Variants in TNRC6C observed in about 807,000 individuals in gnomAD.
TNRC6C encodes the protein trinucleotide repeat-containing gene 6C protein.
In TNRC6C, 20 loss-of-function variants were observed where a neutral mutation model predicts 153.7. The observed-to-expected ratio is 0.13, with a 90% confidence interval of 0.09 to 0.19. The LOEUF is 0.19. Ranked by LOEUF, TNRC6C falls within the 10% of genes least tolerant of loss-of-function variation. The pLI is 1.00. For synonymous variants in TNRC6C, 811 were observed against 841.4 expected (o/e 0.96, Z 0.63); for missense variants, 1,987 against 2,172.0 (o/e 0.91, Z 1.69).
At chr17:77,958,308 G>C (rs1048234014), upstream of TNRC6C, among the ~76,000 whole-genome samples, 3 of 152,056 alleles carry the variant, frequency 2.0e-5, no homozygotes, top group Admixed American at 1.3e-4. Context: ...GGACCGGAGG[G>C]CAGGCGGCGG....
At chr17:78,024,366 T>G (rs2071893580) in intron 1 of TNRC6C, among the ~76,000 whole-genome samples, 1 of 152,078 alleles carries the variant, frequency 6.6e-6, no homozygotes, top group African/African-American at 2.4e-5. Context: ...GTTTTTTTGT[T>G]TGTTTGTTTG....
At chr17:78,070,444 G>A (rs529368009) in intron 5 of TNRC6C, among the ~76,000 whole-genome samples, 1 of 152,190 alleles carries the variant, frequency 6.6e-6, no homozygotes, top group South Asian at 2.1e-4. Flanking sequence ...TGCATTTATA[G>A]GCTCAGAGGG....
chr17:78,065,547 C>A (rs1479722585), intron 4 of TNRC6C, among the ~76,000 whole-genome samples: 2 of 152,128 alleles, frequency 1.3e-5, no homozygotes, highest in African/African-American at 4.8e-5. Flanking sequence ...CTTGTACCTG[C>A]CACATTAAGT....
intron 1 of TNRC6C, among the ~76,000 whole-genome samples, chr17:78,023,163 G>A (rs758834617): frequency 2.0e-5 from 3 of 152,138 alleles, no homozygotes; most frequent in African/African-American, 4.8e-5. Context: ...AACGTATGCG[G>A]GAGGATATGC....
chr17:77,963,043 T>A (rs750590596), intron 1 of TNRC6C, among the ~76,000 whole-genome samples: 2 of 152,252 alleles, frequency 1.3e-5, no homozygotes, highest in Non-Finnish European at 2.9e-5. Flanking sequence ...TTTATACAAA[T>A]GAGTTTTTAA....
intron 1 of TNRC6C, among the ~76,000 whole-genome samples, chr17:77,974,803 A>G (rs1427640606): frequency 2.0e-5 from 3 of 152,188 alleles, no homozygotes; most frequent in Non-Finnish European, 4.4e-5. Flanking sequence ...TTCAAAATTC[A>G]CAGTTCTGTA....
At chr17:78,083,200 C>T (rs1450514315) in intron 11 of TNRC6C, 34 bp downstream of exon 13, 1 of 1,612,072 alleles carries the variant, frequency 6.2e-7, no homozygotes, top group Non-Finnish European at 8.5e-7. Context: ...TTAGAGCACG[C>T]AGGCCGAGTG....
chr17:78,028,166 A>G (rs1185910988), intron 1 of TNRC6C, among the ~76,000 whole-genome samples: 1 of 152,172 alleles, frequency 6.6e-6, no homozygotes, highest in African/African-American at 2.4e-5. Flanking sequence ...AAGTGCTGGG[A>G]TTACAGGCGT....
intron 11 of TNRC6C, 54 bp from the exon 14 acceptor site, chr17:78,086,449 A>C: frequency 1.4e-6 from 2 of 1,452,076 alleles, no homozygotes; most frequent in Non-Finnish European, 1.9e-6. Context: ...TTGAACCATT[A>C]GTTCAACTTA....
At chr17:78,001,676 C>G (rs1167319978), upstream of TNRC6C, among the ~76,000 whole-genome samples, 1 of 151,980 alleles carries the variant, frequency 6.6e-6, no homozygotes. Flanking sequence ...AACAGTGATC[C>G]AATAAAATCT....
exon 13 of TNRC6C, chr17:78,086,978 T>A (rs199612626): frequency 1.2e-4 from 200 of 1,613,800 alleles, no homozygotes; most frequent in Non-Finnish European, 1.5e-4. Flanking sequence ...TGCACCCCTC[T>A]GCAGGCAAAT....
chr17:78,034,020 C>T (rs2072129177), intron 2 of TNRC6C, among the ~76,000 whole-genome samples: 1 of 152,142 alleles, frequency 6.6e-6, no homozygotes, highest in Non-Finnish European at 1.5e-5. Flanking sequence ...GCCGAGTCTC[C>T]CCAACATTTT....
exon 3 of TNRC6C, chr17:78,050,147 G>C: frequency 5.7e-6 from 9 of 1,590,928 alleles, no homozygotes; most frequent in Non-Finnish European, 6.8e-6. Flanking sequence ...GGATCAACAG[G>C]GTGGGAGAGT....
intron 1 of TNRC6C, among the ~76,000 whole-genome samples, chr17:77,974,063 GGAGAGAGA>G: frequency 6.8e-6 from 1 of 147,462 alleles, no homozygotes; most frequent in East Asian, 2.0e-4. Flanking sequence ...GGGGGAGGGG[GGAGAGAGA>G]GAGAGAGAAA....
intron 1 of TNRC6C, among the ~76,000 whole-genome samples, chr17:78,006,828 A>AT (rs113977025): frequency 0.016 from 2,312 of 143,888 alleles, 26 homozygotes; most frequent in Middle Eastern, 0.04. Context: ...TTATTTATTT[A>AT]TTTTTTTTTT....
chr17:78,044,235 CAGTTA>C (rs2072360972), intron 2 of TNRC6C, among the ~76,000 whole-genome samples: 1 of 152,186 alleles, frequency 6.6e-6, no homozygotes, highest in Non-Finnish European at 1.5e-5. Flanking sequence ...CAAGTAACTT[CAGTTA>C]AGTTGGTTGC....
intron 13 of TNRC6C, among the ~76,000 whole-genome samples, chr17:78,087,547 C>T (rs1363106797): frequency 1.3e-5 from 2 of 152,102 alleles, no homozygotes; most frequent in East Asian, 1.9e-4. Flanking sequence ...ATCTCATTTC[C>T]ATTGTCAAAT....
intron 2 of TNRC6C, among the ~76,000 whole-genome samples, chr17:78,038,533 G>T (rs2072226370): frequency 6.6e-6 from 1 of 151,818 alleles, no homozygotes; most frequent in African/African-American, 2.4e-5. Context: ...CAAAAAATTA[G>T]CCGGGCGTGG....
At chr17:78,051,405 C>T (rs1166878521) in exon 3 of TNRC6C, 2 of 1,549,454 alleles carry the variant, frequency 1.3e-6, no homozygotes, top group Non-Finnish European at 1.7e-6. Context: ...CGCCCCCGCA[C>T]CAGGCCGGTA....
Sources: gnomAD v4.1 joint callset for allele counts (sites outside exome capture counted in the v4.1 genomes callset) on GRCh38, gnomAD v4.1.1 for gene constraint, MANE v1.5 for transcripts, NCBI Gene and HGNC (gene_info 2026-07-23, HGNC 2026-07-21) for gene names.